CACNG2: variants seen among roughly 807,000 people sequenced by gnomAD.
The protein encoded by CACNG2 is voltage-dependent calcium channel gamma-2 subunit.
A neutral mutation model predicts 25.9 loss-of-function variants in CACNG2; 3 were observed. The ratio of observed to expected loss-of-function variants is 0.12; its 90% confidence interval spans 0.05 to 0.30. CACNG2 has a LOEUF of 0.30. Among genes scored for constraint, CACNG2 ranks in the 10% least tolerant of loss-of-function variants. CACNG2 has a pLI of 1.00. For synonymous variants in CACNG2, 167 were observed against 173.3 expected, an observed-to-expected ratio of 0.96 and a Z score of 0.29; for missense variants, 341 against 432.5, an observed-to-expected ratio of 0.79 and a Z score of 1.88.
chr22:36,591,965 A>C (rs1336293606), intron 1 of CACNG2, among the ~76,000 whole-genome samples: 2 of 152,054 alleles, frequency 1.3e-5, no homozygotes, highest in African/African-American at 2.4e-5. Flanking sequence ...GGACAGGGGA[A>C]GGGAAGCGAG....
chr22:36,622,144 C>T lies in CACNG2; in HGVS notation c.212-34596G>A, dbSNP rs185040163. Among the ~76,000 whole-genome samples the T allele has an allele frequency of 3.3e-5, 5 of 152,342 alleles. No individual in the cohort carries two copies. In the East Asian group the frequency reaches 5.8e-4, roughly 18 times the overall value. On this transcript the variant is annotated intron_variant, in intron 1 of 3. Coordinates refer to ENST00000300105, the MANE Select transcript of CACNG2 (RefSeq NM_006078.5). ...TAGTGACTTGTGCACACTTGTTTAGCTAGTCGGTGGAGGGGCAGGATTCAG... is the reference window on the plus strand; with the variant it reads ...TAGTGACTTGTGCACACTTGTTTAGTTAGTCGGTGGAGGGGCAGGATTCAG...
intron 2 of CACNG2, among the ~76,000 whole-genome samples, chr22:36,580,148 T>C (rs147882722): frequency 1.3e-5 from 2 of 152,258 alleles, no homozygotes; most frequent in East Asian, 1.9e-4. Context: ...ATCATCCCCA[T>C]TGCAAGGAAA....
chr22:36,566,130 A>C (rs1473809027), intron 3 of CACNG2, among the ~76,000 whole-genome samples: 2 of 152,194 alleles, frequency 1.3e-5, no homozygotes, highest in Non-Finnish European at 2.9e-5. Context: ...TGGTGGGAAG[A>C]AGATGGGGTG....
intron 1 of CACNG2, among the ~76,000 whole-genome samples, chr22:36,637,612 C>A (rs764996583): frequency 1.1e-4 from 16 of 152,144 alleles, no homozygotes; most frequent in Non-Finnish European, 8.8e-5. Context: ...CAATGACAAT[C>A]GTCCTGGGGA....
At chr22:36,600,694 G>T (rs915185281) in intron 1 of CACNG2, among the ~76,000 whole-genome samples, 1 of 151,850 alleles carries the variant, frequency 6.6e-6, no homozygotes, top group African/African-American at 2.4e-5. Context: ...TTACAGACAC[G>T]CACCACCAAG....
intron 2 of CACNG2, among the ~76,000 whole-genome samples, chr22:36,573,127 G>A (rs1015187960): frequency 3.3e-5 from 5 of 152,188 alleles, no homozygotes; most frequent in African/African-American, 4.8e-5. Context: ...AGAGTATGCC[G>A]AGGACTGTTT....
intron 1 of CACNG2, among the ~76,000 whole-genome samples, chr22:36,618,931 C>G (rs1365085409): frequency 2.6e-5 from 2 of 75,876 alleles, no homozygotes; most frequent in East Asian, 1.1e-3. Context: ...AAACAAAAAA[C>G]AAAAAACAAA....
intron 1 of CACNG2, among the ~76,000 whole-genome samples, chr22:36,621,379 G>A (rs747249705): frequency 2.0e-5 from 3 of 152,082 alleles, no homozygotes; most frequent in South Asian, 2.1e-4. Flanking sequence ...AGACCAACCC[G>A]GCCCACATGG....
chr22:36,701,037 C>T (rs1937405077), intron 1 of CACNG2, among the ~76,000 whole-genome samples: 1 of 152,102 alleles, frequency 6.6e-6, no homozygotes, highest in South Asian at 2.1e-4. Context: ...ATCAGTTTCT[C>T]TCTCACCCAT....
chr22:36,606,105 C>T lies in CACNG2; in HGVS notation c.212-18557G>A, dbSNP rs117797224. The stretch of plus-strand genomic sequence containing the variant: ...CATCTTTCAGTTCAGTACTTCAGCT[C>T]GTCCTTGAATTTTTATCAAGTGGTT... On this transcript the variant is annotated intron_variant, in intron 1 of 3. Transcript: ENST00000300105. The surrounding 1 kb of genome is among the most constrained non-coding windows in gnomAD (Gnocchi z 5.7). 1.3e-3 allele frequency among the ~76,000 whole-genome samples: 201 copies of T among 152,288 alleles called. No homozygotes were observed. The highest frequency in any genetic ancestry group is 2.8e-3 in the Admixed American group (43 of 15,300).
rs781343200 is a variant in CACNG2 at position 36,702,372 on chromosome 22, G to T, written c.205C>A (p.Leu69Ile). Reference protein sequence around the residue: ...THSGLWRTCCLEGNFKGLCKQ... With the variant: ...THSGLWRTCCIEGNFKGLCKQ... ...GAGATGGGAAGTCAAGTACCTTCTA[G>T]GCAGCAGGTTCTCCATAATCCGGAA... The change falls in exon 1 of 4, where the codon CTA becomes ATA. Residue 69 changes from leucine (L) to isoleucine (I), a missense_variant. This residue lies in a region of CACNG2 where 169 missense variants were observed against 254.4 expected (regional missense o/e 0.66). Transcript: ENST00000300105. The T allele has an allele frequency of 6.2e-7, 1 of 1,610,112 alleles. No individual in the cohort carries two copies. The highest frequency in any genetic ancestry group is 1.1e-5 in the South Asian group (1 of 90,964).
chr22:36,570,144 G>A (rs1172811230), intron 2 of CACNG2, among the ~76,000 whole-genome samples: 1 of 152,204 alleles, frequency 6.6e-6, no homozygotes, highest in Non-Finnish European at 1.5e-5. Context: ...GTGGGAACCC[G>A]GATGCCCCAG....
At chr22:36,601,080 G>A (rs1401589599) in intron 1 of CACNG2, among the ~76,000 whole-genome samples, 1 of 152,100 alleles carries the variant, frequency 6.6e-6, no homozygotes, top group Non-Finnish European at 1.5e-5. Flanking sequence ...GTACATTAGA[G>A]CTCTGGACTT....
intron 1 of CACNG2, among the ~76,000 whole-genome samples, chr22:36,653,377 GGA>G (rs771289816): frequency 4.6e-5 from 6 of 130,612 alleles, no homozygotes; most frequent in African/African-American, 9.4e-5. Flanking sequence ...TGAAAAATTG[GGA>G]GATGTCACAT....
At chr22:36,701,411 G>A (rs542347312) in intron 1 of CACNG2, among the ~76,000 whole-genome samples, 2 of 152,054 alleles carry the variant, frequency 1.3e-5, no homozygotes, top group African/African-American at 2.4e-5. Context: ...CATCCATAGC[G>A]TGATCCCCCA....
intron 2 of CACNG2, among the ~76,000 whole-genome samples, chr22:36,577,962 G>C (rs1262267804): frequency 1.3e-5 from 2 of 152,104 alleles, no homozygotes; most frequent in African/African-American, 4.8e-5. Context: ...ATGCTCCCAG[G>C]GTGCAGTCCC....
intron 3 of CACNG2, among the ~76,000 whole-genome samples, chr22:36,565,873 A>G (rs1035255220): frequency 1.3e-5 from 2 of 152,208 alleles, no homozygotes; most frequent in African/African-American, 4.8e-5. Flanking sequence ...CTCATCTGTC[A>G]TGTAACTGGG....
At chr22:36,671,065 T>A (rs1471864496) in intron 1 of CACNG2, among the ~76,000 whole-genome samples, 1 of 152,002 alleles carries the variant, frequency 6.6e-6, no homozygotes, top group Non-Finnish European at 1.5e-5. Flanking sequence ...ATTACAGGCA[T>A]GCACCACCAC....
chr22:36,666,569 T>C lies in CACNG2; in HGVS notation c.211+35797A>G, dbSNP rs527842766. Among the ~76,000 whole-genome samples, 8 of 152,196 alleles carry C rather than the reference T, an allele frequency of 5.3e-5. No homozygotes were observed. The South Asian group carries it at 1.0e-3, about 20-fold the overall frequency. Reference sequence around the variant, plus strand: ...TTTGCTTGGGACAAAGTTGTAGTTTTACAAGATGAAAAGAGTTCTGCAAAC... The same window carrying C: ...TTTGCTTGGGACAAAGTTGTAGTTTCACAAGATGAAAAGAGTTCTGCAAAC... On this transcript the variant is annotated intron_variant, in intron 1 of 3. Coordinates refer to ENST00000300105, the MANE Select transcript of CACNG2 (RefSeq NM_006078.5).
Sources: allele counts gnomAD v4.1 joint callset (sites outside exome capture counted in the v4.1 genomes callset), GRCh38; gene constraint gnomAD v4.1.1; regional missense constraint gnomAD v4.1.1; non-coding constraint Gnocchi (gnomAD v3.1); transcripts MANE v1.5; gene names NCBI Gene and HGNC (gene_info 2026-07-23, HGNC 2026-07-21).